The following LUZP2 variants were observed in gnomAD, a reference collection of about 807,000 sequenced individuals.
LUZP2 encodes leucine zipper protein 2.
A neutral mutation model predicts 51.6 loss-of-function variants in LUZP2; 52 were observed. The observed-to-expected ratio is 1.01, with a 90% confidence interval of 0.81 to 1.27. LUZP2 has a LOEUF of 1.27. Ranked by LOEUF, LUZP2 falls within the 50% of genes most tolerant of loss-of-function variation. The pLI, the probability that LUZP2 is intolerant of heterozygous loss-of-function variation, is 0.00. For missense variants in LUZP2, 436 were observed against 395.4 expected, an observed-to-expected ratio of 1.10 and a Z score of -0.87; for synonymous variants, 154 against 137.3, an observed-to-expected ratio of 1.12 and a Z score of -0.85.
At chr11:24,667,793 T>A (rs550146628) in intron 1 of LUZP2, among the ~76,000 whole-genome samples, 1 of 152,342 alleles carries the variant, frequency 6.6e-6, no homozygotes, top group South Asian at 2.1e-4. Flanking sequence ...GCTTGGAGAA[T>A]GCTTCTATTT....
In LUZP2 at chr11:24,763,289, T is replaced by C. The variant is rs749469258; in HGVS notation, c.377T>C (p.Ile126Thr). The C allele has an allele frequency of 5.8e-6, 8 of 1,384,258 alleles. No homozygotes were observed. In the Admixed American group the frequency reaches 2.1e-4, roughly 36 times the overall value. 85.7% of individuals were successfully genotyped at this position (1,384,258 alleles called of 1,614,324 possible). A position where few individuals can be genotyped will look rare whatever the true frequency, so the allele number is the denominator to read the frequency against. ...GAAGTTGAAAGAAAGAGCAAAATGA[T>C]CCGAGACCTCCAGAATGAGGTAAGA... The part of the protein sequence containing the change: ...KTEVERKSKM[I>T]RDLQNENKSL... Residue 126 changes from isoleucine to threonine, a missense_variant, in exon 5 of 12, where the codon ATC becomes ACC. By Grantham distance (89) the Ile-to-Thr change is moderately conservative. Coordinates refer to ENST00000336930, the MANE Select transcript of LUZP2 (RefSeq NM_001009909.4).
chr11:24,633,728 A>T (rs1285279094), intron 1 of LUZP2, among the ~76,000 whole-genome samples: 1 of 151,974 alleles, frequency 6.6e-6, no homozygotes, highest in Non-Finnish European at 1.5e-5. Flanking sequence ...TTTCTATCTC[A>T]TAATGAATGA....
chr11:25,015,465 A>G (rs368600721), intron 9 of LUZP2, among the ~76,000 whole-genome samples: 31 of 152,226 alleles, frequency 2.0e-4, no homozygotes, highest in African/African-American at 7.2e-4. Context: ...AGGATTCCAC[A>G]TTGTGTTAAG....
At chr11:24,583,173 C>T (rs993977234) in intron 1 of LUZP2, among the ~76,000 whole-genome samples, 1 of 152,002 alleles carries the variant, frequency 6.6e-6, no homozygotes, top group Non-Finnish European at 1.5e-5. Context: ...TATCACATAT[C>T]ATTATATGTA....
intron 1 of LUZP2, among the ~76,000 whole-genome samples, chr11:24,564,245 C>G (rs1852145819): frequency 6.6e-6 from 1 of 152,066 alleles, no homozygotes; most frequent in African/African-American, 2.4e-5. Context: ...ATACAAATAT[C>G]CTAGTTCTGA....
At chr11:24,728,421 C>T (rs1308510728) in intron 1 of LUZP2, among the ~76,000 whole-genome samples, 2 of 152,006 alleles carry the variant, frequency 1.3e-5, no homozygotes, top group African/African-American at 2.4e-5. Context: ...TGCTTCTGCT[C>T]TAGTTAGGCC....
rs1298778325 is a variant in LUZP2 at position 24,991,394 on chromosome 11, GTGTA to G, written c.765+8103_765+8106del. On this transcript the variant is annotated intron_variant, in intron 9 of 11. Transcript: ENST00000336930. The stretch of plus-strand genomic sequence containing the variant: ...TATATATATGTGTGTGTGTGTGTGT[GTGTA>G]TATATATATATATATATATATTCCA... Among the ~76,000 whole-genome samples the G allele has an allele frequency of 2.3e-3, 247 of 109,354 alleles. 1 individual carries two copies. Among genetic ancestry groups the G allele is most frequent in the East Asian group, 9.2e-3 (36 of 3,916 alleles). The allele number at this position is 109,354 out of a possible 152,430, so 71.7% of individuals were successfully genotyped here.
chr11:25,013,281 C>T (rs1565227194), intron 9 of LUZP2, among the ~76,000 whole-genome samples: 1 of 151,556 alleles, frequency 6.6e-6, no homozygotes. Context: ...ATACACTTAA[C>T]GTAGAAAAAA....
chr11:24,944,731 G>T (rs1475608248), intron 7 of LUZP2, among the ~76,000 whole-genome samples: 5 of 152,276 alleles, frequency 3.3e-5, no homozygotes, highest in Middle Eastern at 3.4e-3. Context: ...CAAGGCATGA[G>T]AGAGAATAGG....
chr11:25,076,343 C>T (rs1475838994), intron 10 of LUZP2, among the ~76,000 whole-genome samples: 1 of 152,084 alleles, frequency 6.6e-6, no homozygotes, highest in African/African-American at 2.4e-5. Flanking sequence ...TTTCACCTGG[C>T]CTAATGTTCA....
chr11:24,765,488 T>G (rs939598435), intron 5 of LUZP2, among the ~76,000 whole-genome samples: 1 of 152,196 alleles, frequency 6.6e-6, no homozygotes, highest in Non-Finnish European at 1.5e-5. Context: ...TTTTATCAAA[T>G]GCTTTTTCTG....
intron 5 of LUZP2, among the ~76,000 whole-genome samples, chr11:24,868,688 C>A (rs1217632063): frequency 6.6e-6 from 1 of 152,022 alleles, no homozygotes; most frequent in Non-Finnish European, 1.5e-5. Context: ...TTCTTTGGGC[C>A]ACATGTAGCA....
chr11:24,718,534 C>T (rs949172141), intron 1 of LUZP2, among the ~76,000 whole-genome samples: 7 of 152,096 alleles, frequency 4.6e-5, no homozygotes, highest in African/African-American at 7.2e-5. Flanking sequence ...TTTGCATTAT[C>T]GCATTTTTGG....
intron 1 of LUZP2, among the ~76,000 whole-genome samples, chr11:24,620,343 C>T (rs1036796301): frequency 6.6e-6 from 1 of 151,600 alleles, no homozygotes; most frequent in Non-Finnish European, 1.5e-5. Flanking sequence ...TTTTTTTTTG[C>T]AGTACAGGGG....
At chr11:24,858,586 G>A (rs1453078895) in intron 5 of LUZP2, among the ~76,000 whole-genome samples, 2 of 152,144 alleles carry the variant, frequency 1.3e-5, no homozygotes, top group African/African-American at 2.4e-5. Flanking sequence ...CAATAAAAGA[G>A]CTATTGCCAA....
chr11:25,014,588 G>T (rs1248206121), intron 9 of LUZP2, among the ~76,000 whole-genome samples: 1 of 152,142 alleles, frequency 6.6e-6, no homozygotes, highest in Non-Finnish European at 1.5e-5. Context: ...CCCACTTGTT[G>T]ATGGGGTTGT....
At chr11:25,005,314 A>C (rs1856803963) in intron 9 of LUZP2, among the ~76,000 whole-genome samples, 1 of 152,198 alleles carries the variant, frequency 6.6e-6, no homozygotes, top group Admixed American at 6.5e-5. Flanking sequence ...CAAGCTTTGC[A>C]TAGTTGTGGA....
rs575393173 is a variant in LUZP2 at position 24,504,689 on chromosome 11, C to A, written c.62+7384C>A. On this transcript the variant is annotated intron_variant, in intron 1 of 11. Coordinates refer to ENST00000336930, the MANE Select transcript of LUZP2 (RefSeq NM_001009909.4). The stretch of plus-strand genomic sequence containing the variant: ...TTTATTTTATATAGAACACCTCAAG[C>A]AATCAGCATGTAATTTAATAATTTT... 1.3e-4 allele frequency among the ~76,000 whole-genome samples: 20 copies of A among 152,080 alleles called. No individual in the cohort carries two copies. In the South Asian group the frequency reaches 2.5e-3, roughly 19 times the overall value.
chr11:24,557,304 G>A (rs1460243031), intron 1 of LUZP2, among the ~76,000 whole-genome samples: 2 of 147,424 alleles, frequency 1.4e-5, no homozygotes, highest in Admixed American at 1.4e-4. Flanking sequence ...TAATAGAGAT[G>A]TCAGCATCTT....
Sources: gnomAD v4.1 joint callset for allele counts (sites outside exome capture counted in the v4.1 genomes callset) on GRCh38, gnomAD v4.1.1 for gene constraint, MANE v1.5 for transcripts, NCBI Gene and HGNC (gene_info 2026-07-23, HGNC 2026-07-21) for gene names.